The following OLFM3 variants were observed in gnomAD, a reference collection of about 807,000 sequenced individuals.
The protein encoded by OLFM3 is noelin-3.
In OLFM3, 20 loss-of-function variants were observed where a neutral mutation model predicts 48.6. That is an observed-to-expected ratio of 0.41 (90% CI 0.29 to 0.60). The LOEUF is 0.60. Ranked by LOEUF, OLFM3 falls within the 20% of genes least tolerant of loss-of-function variation. The pLI is 0.28. For missense variants in OLFM3, 437 were observed against 544.3 expected, an observed-to-expected ratio of 0.80 and a Z score of 1.96; for synonymous variants, 222 against 198.1, an observed-to-expected ratio of 1.12 and a Z score of -1.01.
At chr1:101,909,603 C>T (rs1235704806) in intron 1 of OLFM3, among the ~76,000 whole-genome samples, 1 of 152,182 alleles carries the variant, frequency 6.6e-6, no homozygotes, top group African/African-American at 2.4e-5. Flanking sequence ...GAAACTCTCA[C>T]ATTTATGGTC....
chr1:101,827,763 T>C (rs1388680713), intron 3 of OLFM3, among the ~76,000 whole-genome samples: 1 of 152,222 alleles, frequency 6.6e-6, no homozygotes, highest in Non-Finnish European at 1.5e-5. Flanking sequence ...TTGGACTTTC[T>C]GAATTTGAAT....
intron 1 of OLFM3, among the ~76,000 whole-genome samples, chr1:101,934,603 G>C (rs2101052110): frequency 6.6e-6 from 1 of 152,140 alleles, no homozygotes; most frequent in Middle Eastern, 3.4e-3. Context: ...ACCTGAACTT[G>C]ACACTTGACC....
At chr1:101,955,287 C>A (rs1034304614) in intron 1 of OLFM3, among the ~76,000 whole-genome samples, 1 of 151,906 alleles carries the variant, frequency 6.6e-6, no homozygotes, top group Non-Finnish European at 1.5e-5. Flanking sequence ...CACATTTTAA[C>A]AAAATAATCA....
chr1:101,937,515 T>G (rs918059581), intron 1 of OLFM3, among the ~76,000 whole-genome samples: 1 of 152,168 alleles, frequency 6.6e-6, no homozygotes, highest in African/African-American at 2.4e-5. Context: ...TGACAGTGAA[T>G]AAGTCCCACA....
intron 1 of OLFM3, among the ~76,000 whole-genome samples, chr1:101,867,514 T>C (rs1441083794): frequency 6.6e-6 from 1 of 152,190 alleles, no homozygotes; most frequent in African/African-American, 2.4e-5. Flanking sequence ...TAGAATACTA[T>C]ACCACAAACC....
At position 101,900,288 on chromosome 1, in the gene OLFM3, C is replaced by A. The variant is rs538878705; in HGVS notation, c.70-63263G>T. ...ATTTTTCTGAAGAAATGAATGAAAT[C>A]TATGGATAGACTCGTATGAGAACAC... On this transcript the variant is annotated intron_variant, in intron 1 of 5. Coordinates refer to ENST00000370103, the MANE Select transcript of OLFM3 (RefSeq NM_058170.4). 2.0e-5 allele frequency among the ~76,000 whole-genome samples: 3 copies of A among 152,146 alleles called. No individual in the cohort carries two copies. In the South Asian group the frequency reaches 6.2e-4, roughly 32 times the overall value.
intron 1 of OLFM3, among the ~76,000 whole-genome samples, chr1:101,967,737 G>A (rs1034225200): frequency 4.6e-5 from 7 of 152,100 alleles, no homozygotes; most frequent in Admixed American, 1.3e-4. Context: ...TCATACCATG[G>A]AGGTGCAGAC....
chr1:101,908,970 T>C (rs1163734295), intron 1 of OLFM3, among the ~76,000 whole-genome samples: 1 of 152,244 alleles, frequency 6.6e-6, no homozygotes, highest in Non-Finnish European at 1.5e-5. Flanking sequence ...TTTAACCCAC[T>C]AAGCTTGTGA....
At chr1:101,864,750 G>A (rs529198819) in intron 1 of OLFM3, among the ~76,000 whole-genome samples, 9 of 152,236 alleles carry the variant, frequency 5.9e-5, no homozygotes, top group Admixed American at 3.3e-4. Flanking sequence ...GGGGTCCTCT[G>A]AACTTCACTC....
intron 4 of OLFM3, among the ~76,000 whole-genome samples, chr1:101,808,031 A>G (rs995256130): frequency 4.0e-5 from 6 of 151,828 alleles, no homozygotes; most frequent in Non-Finnish European, 5.9e-5. Flanking sequence ...ATAATGTCCT[A>G]TATACATTTT....
chr1:101,930,789 T>A (rs1022522307), intron 1 of OLFM3, among the ~76,000 whole-genome samples: 8 of 152,192 alleles, frequency 5.3e-5, no homozygotes, highest in African/African-American at 1.4e-4. Context: ...TAAGAACATT[T>A]GAATAATTTT....
intron 1 of OLFM3, among the ~76,000 whole-genome samples, chr1:101,956,086 G>GT (rs71592232): frequency 0.16 from 17,071 of 105,048 alleles, 1,321 homozygotes; most frequent in East Asian, 0.33. Flanking sequence ...ACAATAACAG[G>GT]TTTTTTTTTT....
chr1:101,972,558 C>A (rs1291673215), intron 1 of OLFM3, among the ~76,000 whole-genome samples: 1 of 152,048 alleles, frequency 6.6e-6, no homozygotes, highest in Non-Finnish European at 1.5e-5. Context: ...CTTCAATTTT[C>A]GGATAAGAAC....
At chr1:101,890,128 G>A (rs74661733) in intron 1 of OLFM3, among the ~76,000 whole-genome samples, 5,904 of 151,988 alleles carry the variant, frequency 0.039, 245 homozygotes, top group East Asian at 0.22. Context: ...AATGATCTTG[G>A]AACATAATGA....
chr1:101,815,799 C>T (rs573148969), intron 4 of OLFM3, among the ~76,000 whole-genome samples: 1 of 152,242 alleles, frequency 6.6e-6, no homozygotes, highest in Non-Finnish European at 1.5e-5. Context: ...GCATATAAAT[C>T]TAGGGAACAG....
intron 1 of OLFM3, among the ~76,000 whole-genome samples, chr1:101,924,540 T>G (rs1415093553): frequency 6.6e-6 from 1 of 152,180 alleles, no homozygotes; most frequent in Admixed American, 6.6e-5. Context: ...CATGATATAA[T>G]ATTGTATATT....
intron 1 of OLFM3, among the ~76,000 whole-genome samples, chr1:101,919,945 C>T: frequency 6.6e-6 from 1 of 152,170 alleles, no homozygotes; most frequent in South Asian, 2.1e-4. Context: ...TAAATGGCAA[C>T]TCTATTCTGG....
At chr1:101,887,633 C>T (rs1657814931) in intron 1 of OLFM3, among the ~76,000 whole-genome samples, 1 of 151,744 alleles carries the variant, frequency 6.6e-6, no homozygotes, top group South Asian at 2.1e-4. Flanking sequence ...ACTTTGTGTC[C>T]AAGTAGTAAT....
In OLFM3 at chr1:101,836,730, C is replaced by T. The variant is rs1380950862; in HGVS notation, c.216+149G>A. ...GACAATAGCAGGAAGCTTGAGGTAA[C>T]CCTTTCAAGGATCAGAAAAAAAAGC... On this transcript the variant is annotated intron_variant, in intron 2 of 5. Coordinates refer to ENST00000370103, the MANE Select transcript of OLFM3 (RefSeq NM_058170.4). 9.4e-6 allele frequency: 7 copies of T among 747,878 alleles called. No individual in the cohort carries two copies. The South Asian group carries it at 1.1e-4, about 12-fold the overall frequency. The allele number at this position is 747,878 out of a possible 1,614,324, so 46.3% of individuals were successfully genotyped here.
Sources: gnomAD v4.1 joint callset for allele counts (sites outside exome capture counted in the v4.1 genomes callset) on GRCh38, gnomAD v4.1.1 for gene constraint, MANE v1.5 for transcripts, NCBI Gene and HGNC (gene_info 2026-07-23, HGNC 2026-07-21) for gene names.